Variants in RANBP3L observed in about 807,000 individuals in gnomAD.
The protein encoded by RANBP3L is ran-binding protein 3-like.
A neutral mutation model predicts 67.2 loss-of-function variants in RANBP3L; 56 were observed. That is an observed-to-expected ratio of 0.83 (90% CI 0.67 to 1.04). The LOEUF (loss-of-function observed/expected upper bound fraction) is 1.04, where lower values mean the gene tolerates loss of function less well. Among genes scored for constraint, RANBP3L ranks in the 50% least tolerant of loss-of-function variants. The pLI is 0.00. For synonymous variants in RANBP3L, 164 were observed against 181.4 expected (o/e 0.90, Z 0.77); for missense variants, 496 against 535.5 (o/e 0.93, Z 0.73).
At chr5:36,299,365 G>GTATA (rs372128206) in intron 1 of RANBP3L, among the ~76,000 whole-genome samples, 4,423 of 148,016 alleles carry the variant, frequency 0.03, 220 homozygotes, top group African/African-American at 0.06. Flanking sequence ...GTGTGTGTGT[G>GTATA]TATATATCCT....
At chr5:36,258,720 A>G (rs570695517) in intron 8 of RANBP3L, among the ~76,000 whole-genome samples, 1 of 152,208 alleles carries the variant, frequency 6.6e-6, no homozygotes, top group African/African-American at 2.4e-5. Context: ...CGTAGTCCTG[A>G]CTATAGTTTA....
At chr5:36,263,624 C>T (rs188150129) in intron 6 of RANBP3L, among the ~76,000 whole-genome samples, 2 of 152,256 alleles carry the variant, frequency 1.3e-5, no homozygotes, top group Non-Finnish European at 2.9e-5. Flanking sequence ...GGTACCATCT[C>T]GGTTCACTGC....
intron 4 of RANBP3L, among the ~76,000 whole-genome samples, chr5:36,267,518 A>AG (rs989474548): frequency 2.6e-4 from 38 of 148,512 alleles, no homozygotes; most frequent in East Asian, 2.4e-3. Flanking sequence ...AAAAAAAAAA[A>AG]AAAGAAAGAA....
At chr5:36,267,468 A>G (rs1243830348) in intron 4 of RANBP3L, among the ~76,000 whole-genome samples, 1 of 151,840 alleles carries the variant, frequency 6.6e-6, no homozygotes, top group African/African-American at 2.4e-5. Context: ...AGATCACGCC[A>G]TTGCACTCTA....
At chr5:36,289,939 G>A (rs1579775978) in intron 1 of RANBP3L, among the ~76,000 whole-genome samples, 2 of 152,220 alleles carry the variant, frequency 1.3e-5, no homozygotes, top group East Asian at 3.9e-4. Context: ...TGATGATAAT[G>A]GACATCTCTG....
chr5:36,268,231 G>A, intron 4 of RANBP3L: 1 of 1,539,278 alleles, frequency 6.5e-7, no homozygotes, highest in Non-Finnish European at 8.8e-7. Flanking sequence ...GTTAGTGACG[G>A]ATGAACATCT....
intron 1 of RANBP3L, among the ~76,000 whole-genome samples, chr5:36,282,998 C>A (rs939931691): frequency 6.6e-6 from 1 of 152,062 alleles, no homozygotes; most frequent in African/African-American, 2.4e-5. Flanking sequence ...GTTTTGTTCA[C>A]CAAGCTAATA....
intron 10 of RANBP3L, 26 bp downstream of exon 10, chr5:36,256,915 G>T: frequency 1.3e-6 from 2 of 1,588,186 alleles, no homozygotes; most frequent in Non-Finnish European, 1.7e-6. Flanking sequence ...AATGCTACCA[G>T]AAAGAGTAAA....
chr5:36,263,819 G>A (rs1265988005), intron 6 of RANBP3L, among the ~76,000 whole-genome samples: 3 of 152,110 alleles, frequency 2.0e-5, no homozygotes, highest in Admixed American at 1.3e-4. Flanking sequence ...GAGCCACCAC[G>A]CCTGGCCACT....
At chr5:36,294,558 T>C (rs528465587) in intron 1 of RANBP3L, among the ~76,000 whole-genome samples, 220 of 152,170 alleles carry the variant, frequency 1.4e-3, no homozygotes, top group African/African-American at 5.1e-3. Context: ...AATTTCTCTC[T>C]ACACACTGCT....
At chr5:36,296,771 A>C (rs1752245482) in intron 1 of RANBP3L, among the ~76,000 whole-genome samples, 1 of 152,184 alleles carries the variant, frequency 6.6e-6, no homozygotes, top group African/African-American at 2.4e-5. Flanking sequence ...TTTACACTTA[A>C]ACTAGTAGAC....
intron 10 of RANBP3L, 23 bp downstream of exon 10, chr5:36,256,918 A>G: frequency 6.3e-7 from 1 of 1,590,342 alleles, no homozygotes; most frequent in Non-Finnish European, 8.6e-7. Context: ...GCTACCAGAA[A>G]GAGTAAAACA....
intron 12 of RANBP3L, among the ~76,000 whole-genome samples, chr5:36,252,759 T>C (rs1471061774): frequency 6.6e-6 from 1 of 151,942 alleles, no homozygotes; most frequent in Admixed American, 6.6e-5. Flanking sequence ...CTGGCAAGAG[T>C]ATTAATACCT....
intron 1 of RANBP3L, among the ~76,000 whole-genome samples, chr5:36,292,241 G>A (rs1320061992): frequency 6.6e-6 from 1 of 151,912 alleles, no homozygotes; most frequent in East Asian, 1.9e-4. Flanking sequence ...ACTTTTTGAT[G>A]GGGTTGTTTG....
intron 6 of RANBP3L, among the ~76,000 whole-genome samples, 177 bp downstream of exon 6, chr5:36,264,782 A>T (rs1198192176): frequency 1.3e-5 from 2 of 152,206 alleles, no homozygotes; most frequent in East Asian, 3.9e-4. Context: ...TTGTGAGACT[A>T]CAACTCTCCA....
intron 12 of RANBP3L, among the ~76,000 whole-genome samples, chr5:36,252,320 A>G (rs1305768006): frequency 6.6e-6 from 1 of 152,086 alleles, no homozygotes; most frequent in Non-Finnish European, 1.5e-5. Context: ...AATAGAATAG[A>G]ATTATTTCAC....
chr5:36,276,124 A>T (rs1044281321), intron 1 of RANBP3L, among the ~76,000 whole-genome samples: 8 of 152,182 alleles, frequency 5.3e-5, no homozygotes, highest in African/African-American at 1.4e-4. Context: ...AAATAAGTGG[A>T]AATAAAGGTA....
chr5:36,281,661 G>A (rs751797030), intron 1 of RANBP3L, among the ~76,000 whole-genome samples: 3 of 152,096 alleles, frequency 2.0e-5, no homozygotes, highest in East Asian at 1.9e-4. Context: ...CAGTTTTGCC[G>A]TCTATAAAAC....
At chr5:36,283,027 T>A (rs756203075) in intron 1 of RANBP3L, among the ~76,000 whole-genome samples, 1 of 152,056 alleles carries the variant, frequency 6.6e-6, no homozygotes, top group African/African-American at 2.4e-5. Flanking sequence ...CAGAGAAAAG[T>A]TTTTACTTTT....
Sources: gnomAD v4.1 joint callset for allele counts (sites outside exome capture counted in the v4.1 genomes callset) on GRCh38, gnomAD v4.1.1 for gene constraint, MANE v1.5 for transcripts, NCBI Gene and HGNC (gene_info 2026-07-23, HGNC 2026-07-21) for gene names.